Variants in SAXO1 observed in about 807,000 individuals in gnomAD.
The protein encoded by SAXO1 is stabilizer of axonemal microtubules 1, also known as 4930500O09Rik.
Under a neutral mutation model 17.5 loss-of-function variants are expected in SAXO1, and 21 were observed. That is an observed-to-expected ratio of 1.20 (90% CI 0.85 to 1.72). The LOEUF is 1.72. Among genes scored for constraint, SAXO1 ranks in the 40% most tolerant of loss-of-function variants. The pLI is 0.00. For synonymous variants in SAXO1, 274 were observed against 216.5 expected, an observed-to-expected ratio of 1.27 and a Z score of -2.33; for missense variants, 843 against 596.0, an observed-to-expected ratio of 1.41 and a Z score of -4.32.
intron 1 of SAXO1, among the ~76,000 whole-genome samples, chr9:19,004,528 A>G (rs1834412115): frequency 6.6e-6 from 1 of 152,362 alleles, no homozygotes; most frequent in African/African-American, 2.4e-5. Context: ...ATGGAATACT[A>G]TGCAGCCATA....
At chr9:19,016,254 G>A (rs1268457412) in intron 1 of SAXO1, among the ~76,000 whole-genome samples, 1 of 152,122 alleles carries the variant, frequency 6.6e-6, no homozygotes, top group African/African-American at 2.4e-5. Context: ...TGACGAACAT[G>A]GTGAAACCCT....
In SAXO1 at chr9:19,029,478, TCA is replaced by T. The variant is rs555006318; in HGVS notation, c.38+3391_38+3392del. ...TTTCCCATTGCTTTTTCCCATGACC[TCA>T]GACTGGAAAAGCCAAATATAGACTT... On this transcript the variant is annotated intron_variant, in intron 1 of 3. Transcript: ENST00000380534. Among the ~76,000 whole-genome samples, 14 of 152,242 alleles carry T rather than the reference TCA, an allele frequency of 9.2e-5. No individual in the cohort carries two copies. The South Asian group carries it at 2.7e-3, about 29-fold the overall frequency.
chr9:19,045,316 C>CAAAAAAAAA (rs575855900), intron 1 of SAXO1, among the ~76,000 whole-genome samples: 6 of 89,338 alleles, frequency 6.7e-5, no homozygotes, highest in African/African-American at 2.3e-4. Context: ...GACTCCGTCT[C>CAAAAAAAAA]AAAAAAAAAA....
chr9:19,023,768 C>T (rs1247631791), intron 1 of SAXO1, among the ~76,000 whole-genome samples: 1 of 145,626 alleles, frequency 6.9e-6, no homozygotes, highest in Non-Finnish European at 1.5e-5. Flanking sequence ...TTGGGCATTT[C>T]TGAAGAAGAA....
intron 1 of SAXO1, among the ~76,000 whole-genome samples, chr9:18,975,392 C>T (rs958247847): frequency 6.6e-6 from 1 of 152,230 alleles, no homozygotes; most frequent in Non-Finnish European, 1.5e-5. Flanking sequence ...CCGCTCTGCA[C>T]ATATGTCAGA....
At chr9:18,936,098 C>A (rs1225511867) in intron 3 of SAXO1, among the ~76,000 whole-genome samples, 1 of 152,124 alleles carries the variant, frequency 6.6e-6, no homozygotes, top group Non-Finnish European at 1.5e-5. Context: ...CCAGTTTTGT[C>A]ATTGCTTTTT....
chr9:18,931,546 G>T (rs1175717175), intron 3 of SAXO1, among the ~76,000 whole-genome samples: 1 of 152,152 alleles, frequency 6.6e-6, no homozygotes, highest in East Asian at 1.9e-4. Flanking sequence ...TTGCTAGGTT[G>T]TATAGAAAAA....
chr9:19,045,603 C>T (rs1836194544), intron 1 of SAXO1, among the ~76,000 whole-genome samples: 1 of 152,140 alleles, frequency 6.6e-6, no homozygotes, highest in Non-Finnish European at 1.5e-5. Flanking sequence ...ATTAATCAGG[C>T]TTATACACAC....
intron 2 of SAXO1, among the ~76,000 whole-genome samples, chr9:18,943,552 C>G (rs10963852): frequency 0.12 from 18,617 of 152,210 alleles, 1,415 homozygotes; most frequent in African/African-American, 0.22. Context: ...TGAAAACCAG[C>G]TGAGTGGAAA....
At chr9:18,974,810 C>G (rs984032234) in intron 1 of SAXO1, among the ~76,000 whole-genome samples, 1 of 152,128 alleles carries the variant, frequency 6.6e-6, no homozygotes, top group African/African-American at 2.4e-5. Context: ...ATTTGGCAAC[C>G]ATGGTGGTGA....
chr9:19,027,242 C>T (rs1835520519), intron 1 of SAXO1: 1 of 1,093,356 alleles, frequency 9.1e-7, no homozygotes, highest in Non-Finnish European at 1.4e-6. Flanking sequence ...AGACATACTT[C>T]CTACCTGTGA....
At chr9:18,998,841 A>T (rs1834123899) in intron 1 of SAXO1, among the ~76,000 whole-genome samples, 1 of 152,230 alleles carries the variant, frequency 6.6e-6, no homozygotes, top group African/African-American at 2.4e-5. Context: ...CTGCAACTTC[A>T]TATCCAGCCA....
At chr9:18,932,742 T>TA (rs1477085990) in intron 3 of SAXO1, among the ~76,000 whole-genome samples, 3 of 152,208 alleles carry the variant, frequency 2.0e-5, no homozygotes, top group Non-Finnish European at 2.9e-5. Flanking sequence ...ATGCAAGACT[T>TA]ACACTTGCTT....
At chr9:18,970,291 A>G (rs770305690) in intron 1 of SAXO1, among the ~76,000 whole-genome samples, 1 of 152,202 alleles carries the variant, frequency 6.6e-6, no homozygotes, top group Non-Finnish European at 1.5e-5. Flanking sequence ...CAACCACTCA[A>G]CATGTATTAA....
Position 18,927,951 on chromosome 9 carries a change from G to T in SAXO1, c.*101C>A. The T allele has an allele frequency of 4.3e-6, 6 of 1,381,208 alleles. No homozygotes were observed. Among genetic ancestry groups the T allele is most frequent in the Non-Finnish European group, 3.9e-6 (4 of 1,030,212 alleles). 85.6% of individuals were successfully genotyped at this position (1,381,208 alleles called of 1,614,324 possible). On this transcript the variant is annotated 3_prime_UTR_variant, in exon 4 of 4. Transcript: ENST00000380534. ...AAGTGGTGAAGGTTTTTTGTTTTTT[G>T]TTTTTTGTCATTTTAGGGAATTCTT...
At chr9:19,009,063 T>C (rs7866186) in intron 1 of SAXO1, among the ~76,000 whole-genome samples, 3,820 of 152,218 alleles carry the variant, frequency 0.025, 152 homozygotes, top group African/African-American at 0.085. Context: ...TAAACAAATA[T>C]AATTTATTTT....
chr9:18,954,915 A>AC (rs1323463408), intron 1 of SAXO1, among the ~76,000 whole-genome samples: 1 of 93,194 alleles, frequency 1.1e-5, no homozygotes, highest in African/African-American at 3.0e-5. Context: ...TAAGAAAAAA[A>AC]AGTTAAAAAA....
At chr9:19,040,601 G>A (rs111452091) in intron 1 of SAXO1, among the ~76,000 whole-genome samples, 3,663 of 151,924 alleles carry the variant, frequency 0.024, 140 homozygotes, top group African/African-American at 0.084. Flanking sequence ...CCAAGATGGC[G>A]CCACTGCATT....
intron 3 of SAXO1, among the ~76,000 whole-genome samples, chr9:18,938,315 TTGGCTCA>T (rs1393236170): frequency 2.0e-5 from 3 of 152,200 alleles, no homozygotes; most frequent in Non-Finnish European, 4.4e-5. Flanking sequence ...AGCAGTTGAA[TTGGCTCA>T]TGGTTCTGCA....
Sources: allele counts gnomAD v4.1 joint callset (sites outside exome capture counted in the v4.1 genomes callset), GRCh38; gene constraint gnomAD v4.1.1; transcripts MANE v1.5; gene names NCBI Gene and HGNC (gene_info 2026-07-23, HGNC 2026-07-21).